The following CYTH2 variants were observed in gnomAD, a reference collection of about 807,000 sequenced individuals.
CYTH2 encodes the protein cytohesin 2.
CYTH2 carries 24 observed loss-of-function variants against 55.4 expected under a neutral mutation model. The ratio of observed to expected loss-of-function variants is 0.43; its 90% CI spans 0.31 to 0.61. CYTH2 has a LOEUF of 0.61. Ranked by LOEUF, CYTH2 falls within the 20% of genes least tolerant of loss-of-function variation. The pLI, the probability that CYTH2 is intolerant of heterozygous loss-of-function variation, is 0.08. For synonymous variants in CYTH2, 221 were observed against 209.6 expected (o/e 1.05, Z -0.47); for missense variants, 378 against 533.5 (o/e 0.71, Z 2.87).
At position 48,470,697 on chromosome 19, in the gene CYTH2, G is replaced by A. The variant is rs374797995; in HGVS notation, c.234+28G>A. 16 of 1,614,092 alleles carry A rather than the reference G, an allele frequency of 9.9e-6. No homozygotes were observed. The African/African-American group carries it at 2.0e-4, about 20-fold the overall frequency. Reference sequence around the variant, plus strand: ...GCTTGGGGCCACAGGACTGGGATCAGCTGGGCAAACATCCAGGCAGGGGCT... The same window carrying A: ...GCTTGGGGCCACAGGACTGGGATCAACTGGGCAAACATCCAGGCAGGGGCT... On this transcript the variant is annotated intron_variant, in intron 3 of 11. Transcript: ENST00000452733.
Position 48,473,373 on chromosome 19 carries a change from C to T in CYTH2, c.429C>T (p.Ala143=). 6.2e-7 allele frequency: 1 copy of T among 1,613,986 alleles called. No individual in the cohort carries two copies. The change falls in exon 5 of 12, where the codon GCC becomes GCT. Residue 143 remains alanine, a synonymous_variant. Transcript: ENST00000452733. Reference sequence around the variant, plus strand: ...TCACCGACCTCAATCTGGTGCAGGCCCTCAGGTGAGTGAGGGGGAGGGGTT... The same window carrying T: ...TCACCGACCTCAATCTGGTGCAGGCTCTCAGGTGAGTGAGGGGGAGGGGTT... The part of the protein sequence containing the change: ...HEFTDLNLVQ[A]LRQFLWSFRL...
At chr19:48,473,169 GA>G in intron 4 of CYTH2, 128 bp from the exon 5 acceptor site, 1 of 963,840 alleles carries the variant, frequency 1.0e-6, no homozygotes, top group Admixed American at 2.0e-5. Context: ...AGTCCAGCAG[GA>G]AACTTCACCC....
Position 48,473,462 on chromosome 19 carries a change from A to G in CYTH2, c.434+84A>G. On this transcript the variant is annotated intron_variant, in intron 5 of 11. Transcript: ENST00000452733. ...TACAAGTGACAAACCTTACTCAAGA[A>G]AAAAACAGAAACAAGCAAAACAGAA... 3.5e-6 allele frequency: 5 copies of G among 1,425,358 alleles called. No individual in the cohort carries two copies. In the Admixed American group the frequency reaches 5.2e-5, roughly 15 times the overall value. 88.3% of individuals were successfully genotyped at this position (1,425,358 alleles called of 1,614,324 possible). A position where few individuals can be genotyped will look rare whatever the true frequency, so the allele number is the denominator to read the frequency against.
rs750575896 is a variant in CYTH2, at chr19:48,470,347, C to T, written c.20-6C>T. 1.3e-5 allele frequency: 21 copies of T among 1,604,228 alleles called. No individual in the cohort carries two copies. In the East Asian group the frequency reaches 4.2e-4, roughly 32 times the overall value. ...CTGACTTTTAAACCTTGACCCCGAT[C>T]CCTAGAACCCCCAGACCTGACTCCG... On this transcript the variant is annotated splice_polypyrimidine_tract_variant and splice_region_variant and intron_variant, in intron 1 of 11. Transcript: ENST00000452733.
At chr19:48,478,182 C>T (rs546910561) in intron 9 of CYTH2, 37 bp downstream of exon 9, 17 of 1,612,334 alleles carry the variant, frequency 1.1e-5, no homozygotes, top group Admixed American at 1.0e-4. Flanking sequence ...GGGTCCTGGG[C>T]GGAGTGGCTG....
At chr19:48,478,673 G>A in intron 11 of CYTH2, 81 bp downstream of exon 11, 1 of 842,252 alleles carries the variant, frequency 1.2e-6, no homozygotes, top group Non-Finnish European at 1.7e-6. Context: ...GCAGGGGCCT[G>A]GATGCCTGGG....
chr19:48,480,922 G>T lies in CYTH2; in HGVS notation c.*1712G>T. ...GCAGGAAGAGGCGCGGAGCCCGCTG[G>T]TGGCGAAGAGGGGAGTGCGGCGGGA... On this transcript the variant is annotated 3_prime_UTR_variant, in exon 12 of 12. Transcript: ENST00000452733. 1 of 152,306 alleles carries T rather than the reference G, an allele frequency of 6.6e-6. No individual in the cohort carries two copies. The highest frequency in any genetic ancestry group is 1.5e-5 in the Non-Finnish European group (1 of 68,114). The allele number at this position is 152,306 out of a possible 1,614,324, so 9.4% of individuals were successfully genotyped here. A position where few individuals can be genotyped will look rare whatever the true frequency, so the allele number is the denominator to read the frequency against.
At chr19:48,473,062 T>G in intron 4 of CYTH2, 1 of 514,460 alleles carries the variant, frequency 1.9e-6, no homozygotes, top group Non-Finnish European at 3.5e-6. Flanking sequence ...TTCTCCCAAC[T>G]GTACAAAGGT....
At chr19:48,477,792 T>A in intron 8 of CYTH2, 1 of 476,758 alleles carries the variant, frequency 2.1e-6, no homozygotes, top group South Asian at 3.7e-5. Context: ...CCTGGCGCCC[T>A]GGCCTCCTGC....
At position 48,479,475 on chromosome 19, in the gene CYTH2, G is replaced by C. The variant is rs904781289; in HGVS notation, c.*265G>C. ...TTTCCCTGGACAGGGGCCTGGACCC[G>C]CCTGTCTCTGGGTGCTGCCTGGGCT... On this transcript the variant is annotated 3_prime_UTR_variant, in exon 12 of 12. Transcript: ENST00000452733. 4.1e-6 allele frequency: 2 copies of C among 486,502 alleles called. No homozygotes were observed. Among genetic ancestry groups the C allele is most frequent in the Non-Finnish European group, 7.5e-6 (2 of 267,974 alleles). 30.1% of individuals were successfully genotyped at this position (486,502 alleles called of 1,614,324 possible).
intron 1 of CYTH2, 128 bp from the exon 2 acceptor site, chr19:48,470,225 C>T (rs1971762054): frequency 7.4e-7 from 1 of 1,348,840 alleles, no homozygotes; most frequent in East Asian, 2.3e-5. Context: ...AGGCCCCCAG[C>T]CCATTCTTCT....
In CYTH2 at chr19:48,470,451, C is replaced by G; in HGVS notation, c.118C>G (p.Leu40Val). ...LVEIQRLREELSEAMSEVEGL... is the reference protein window; with the variant it reads ...LVEIQRLREEVSEAMSEVEGL... ...GGAGATTCAGCGCCTGCGGGAGGAGCTCAGTGAAGCCATGAGCGAGGTGGA... is the reference window on the plus strand; with the variant it reads ...GGAGATTCAGCGCCTGCGGGAGGAGGTCAGTGAAGCCATGAGCGAGGTGGA... The change falls in exon 2 of 12, where the codon CTC becomes GTC. Residue 40 changes from leucine (L) to valine (V), a missense_variant. Coordinates refer to ENST00000452733, the MANE Select transcript of CYTH2 (RefSeq NM_004228.7). 1 of 1,614,134 alleles carries G rather than the reference C, an allele frequency of 6.2e-7. No individual in the cohort carries two copies. Among genetic ancestry groups the G allele is most frequent in the Non-Finnish European group, 8.5e-7 (1 of 1,180,020 alleles).
At chr19:48,473,514 C>T (rs1225639531) in intron 5 of CYTH2, 136 bp downstream of exon 5, 2 of 853,722 alleles carry the variant, frequency 2.3e-6, no homozygotes, top group African/African-American at 3.4e-5. Flanking sequence ...TGAGTGTGTC[C>T]TGCACCATAA....
In CYTH2 at chr19:48,478,472, G is replaced by C; in HGVS notation, c.992G>C (p.Gly331Ala). 3.1e-6 allele frequency: 5 copies of C among 1,614,126 alleles called. No individual in the cohort carries two copies. Among genetic ancestry groups the C allele is most frequent in the Non-Finnish European group, 4.2e-6 (5 of 1,180,020 alleles). ...CFELYIPNNK[G>A]QLIKACKTEA... ...GAACTTTACATCCCCAACAACAAGGGGCAGCTCATCAAAGCCTGCAAAACT... is the reference window on the plus strand; with the variant it reads ...GAACTTTACATCCCCAACAACAAGGCGCAGCTCATCAAAGCCTGCAAAACT... Residue 331 changes from glycine (G) to alanine (A), a missense_variant, in exon 11 of 12, where the codon GGG (glycine) becomes GCG (alanine). Physicochemically the swap from Gly to Ala is moderately conservative, Grantham distance 60. Transcript: ENST00000452733.
intron 11 of CYTH2, 115 bp from the exon 12 acceptor site, chr19:48,479,008 C>T (rs575489134): frequency 9.6e-7 from 1 of 1,040,978 alleles, no homozygotes; most frequent in Admixed American, 2.0e-5. Flanking sequence ...GGCCTGGACT[C>T]CTGGGTCTGA....
Position 48,473,637 on chromosome 19 carries a change from C to G in CYTH2, c.434+259C>G, listed in dbSNP as rs140697157. On this transcript the variant is annotated intron_variant, in intron 5 of 11. Coordinates refer to ENST00000452733, the MANE Select transcript of CYTH2 (RefSeq NM_004228.7). ...TTTGCCACTGTGTCAGCATTGCTCT[C>G]TGCAGACCCGCTTACCTGATAACAA... 2.8e-5 allele frequency: 17 copies of G among 598,256 alleles called. No homozygotes were observed. The East Asian group carries it at 4.7e-4, about 17-fold the overall frequency. The allele number at this position is 598,256 out of a possible 1,614,324, so 37.1% of individuals were successfully genotyped here. A position where few individuals can be genotyped will look rare whatever the true frequency, so the allele number is the denominator to read the frequency against.
At chr19:48,473,092 C>T (rs1971837214) in intron 4 of CYTH2, 1 of 580,618 alleles carries the variant, frequency 1.7e-6, no homozygotes, top group African/African-American at 1.9e-5. Flanking sequence ...GCAGGGTTCC[C>T]AAGCCAGATA....
intron 1 of CYTH2, 68 bp from the exon 2 acceptor site, chr19:48,470,285 C>A (rs972508805): frequency 6.5e-7 from 1 of 1,538,510 alleles, no homozygotes; most frequent in Non-Finnish European, 8.7e-7. Flanking sequence ...TCTGTCCGCC[C>A]CCAGATTGCA....
intron 4 of CYTH2, 31 bp downstream of exon 4, chr19:48,472,474 C>A: frequency 6.4e-7 from 1 of 1,569,480 alleles, no homozygotes; most frequent in East Asian, 2.3e-5. Context: ...CTGTGGGGCC[C>A]CTCCCTCCCA....
Sources: gnomAD v4.1 joint callset for allele counts on GRCh38, gnomAD v4.1.1 for gene constraint, MANE v1.5 for transcripts, NCBI Gene and HGNC (gene_info 2026-07-23, HGNC 2026-07-21) for gene names.